Variants in KLHL12 observed in about 807,000 individuals in gnomAD.
KLHL12 encodes kelch-like protein 12.
In KLHL12, 17 loss-of-function variants were observed where a neutral mutation model predicts 60.8. That is an observed-to-expected ratio of 0.28 (90% CI 0.19 to 0.42). KLHL12 has a LOEUF of 0.42. KLHL12 is among the 10% of genes least tolerant of loss of function. The pLI is 1.00. For synonymous variants in KLHL12, 220 were observed against 250.9 expected, an observed-to-expected ratio of 0.88 and a Z score of 1.16; for missense variants, 468 against 722.3, an observed-to-expected ratio of 0.65 and a Z score of 4.04.
chr1:202,892,783 C>A (rs1300449593), intron 11 of KLHL12, 124 bp from the exon 12 acceptor site: 14 of 921,308 alleles, frequency 1.5e-5, no homozygotes, highest in South Asian at 1.4e-4. Context: ...GAATTTGAGA[C>A]CAGCCTGGGC....
chr1:202,910,074 C>T (rs992432175), intron 5 of KLHL12, among the ~76,000 whole-genome samples: 9 of 152,096 alleles, frequency 5.9e-5, no homozygotes, highest in Non-Finnish European at 1.5e-5. Context: ...GGAAAACAAA[C>T]AATAAATAGT....
At chr1:202,907,308 T>G (rs1229617043) in intron 6 of KLHL12, among the ~76,000 whole-genome samples, 1 of 152,072 alleles carries the variant, frequency 6.6e-6, no homozygotes, top group African/African-American at 2.4e-5. Context: ...CATTAAAAAA[T>G]ATAGGAGAGG....
At chr1:202,915,446 A>G (rs545057489) in intron 4 of KLHL12, among the ~76,000 whole-genome samples, 1 of 152,308 alleles carries the variant, frequency 6.6e-6, no homozygotes, top group South Asian at 2.1e-4. Flanking sequence ...TCCAGAAAAA[A>G]AGCAAAGGGC....
intron 4 of KLHL12, among the ~76,000 whole-genome samples, chr1:202,914,702 CT>C (rs1186591028): frequency 6.6e-6 from 1 of 151,838 alleles, no homozygotes; most frequent in Non-Finnish European, 1.5e-5. Context: ...CCAGTCTCTA[CT>C]AAAAATACAA....
At chr1:202,925,742 A>G (rs1310742489) in intron 1 of KLHL12, among the ~76,000 whole-genome samples, 1 of 152,198 alleles carries the variant, frequency 6.6e-6, no homozygotes, top group Non-Finnish European at 1.5e-5. Context: ...AGTAAAAATA[A>G]ACTTTTTTCT....
At chr1:202,912,219 A>G in intron 4 of KLHL12, 1 of 1,096,382 alleles carries the variant, frequency 9.1e-7, no homozygotes, top group South Asian at 1.2e-5. Flanking sequence ...AGTGATTGAA[A>G]TCATGACTGA....
chr1:202,897,680 T>C (rs754941428), intron 6 of KLHL12, among the ~76,000 whole-genome samples: 5 of 152,104 alleles, frequency 3.3e-5, no homozygotes, highest in Non-Finnish European at 5.9e-5. Flanking sequence ...CCTAACCTTG[T>C]CACAAAAAAA....
At chr1:202,902,701 T>A (rs1001515971) in intron 6 of KLHL12, among the ~76,000 whole-genome samples, 5 of 151,688 alleles carry the variant, frequency 3.3e-5, no homozygotes, top group African/African-American at 9.7e-5. Context: ...TAGAAAAAAA[T>A]TTTTTGAGCC....
upstream of KLHL12, among the ~76,000 whole-genome samples, chr1:202,928,166 T>C (rs1273523897): frequency 6.7e-6 from 1 of 148,390 alleles, no homozygotes; most frequent in African/African-American, 2.5e-5. Flanking sequence ...TCCCAGCTAC[T>C]CGGGAAGCTG....
At position 202,893,217 on chromosome 1, in the gene KLHL12, G is replaced by A. The variant is rs2275739; in HGVS notation, c.1580+22C>T. 2,529 of 1,565,854 alleles carry A rather than the reference G, an allele frequency of 1.6e-3. 28 individuals are homozygous for A. The East Asian group carries it at 0.019, about 12-fold the overall frequency. On this transcript the variant is annotated intron_variant, in intron 11 of 11. Transcript: ENST00000367261. This position sits in a 1 kb window ranked among gnomAD's most constrained non-coding sequence, Gnocchi z 4.1. Reference sequence around the variant, plus strand: ...CTTGCTCTGGCTACATATTGAGTCTGGATTCGTTTCTAAATCCTCACCCTG... The same window carrying A: ...CTTGCTCTGGCTACATATTGAGTCTAGATTCGTTTCTAAATCCTCACCCTG...
Position 202,892,553 on chromosome 1 carries a change from A to T in KLHL12, c.1687T>A (p.Cys563Ser). The T allele has an allele frequency of 6.2e-7, 1 of 1,613,946 alleles. No individual in the cohort carries two copies. Among genetic ancestry groups the T allele is most frequent in the Non-Finnish European group, 8.5e-7 (1 of 1,180,022 alleles). ...AATGGTCACTTCTCGCGGAGAACACAAACACCAGCATCACAGCGCTGGGTT... is the reference window on the plus strand; with the variant it reads ...AATGGTCACTTCTCGCGGAGAACACTAACACCAGCATCACAGCGCTGGGTT... Reference protein sequence around the residue: ...MGTQRCDAGVCVLREK With the variant: ...MGTQRCDAGVSVLREK The change falls in exon 12 of 12, where the codon TGT becomes AGT. Residue 563 changes from cysteine to serine, a missense_variant. Physicochemically the swap from Cys to Ser is moderately radical, Grantham distance 112 (BLOSUM62 -1). This residue lies in a region of KLHL12 where 68 missense variants were observed against 119.8 expected (regional missense o/e 0.57). Transcript: ENST00000367261.
chr1:202,916,950 G>T (rs375339122), intron 4 of KLHL12, among the ~76,000 whole-genome samples: 1 of 148,894 alleles, frequency 6.7e-6, no homozygotes, highest in Non-Finnish European at 1.5e-5. Flanking sequence ...TCCAGCCTGG[G>T]TGACAGAGTG....
At chr1:202,912,261 T>A in intron 4 of KLHL12, 2 of 1,060,042 alleles carry the variant, frequency 1.9e-6, no homozygotes, top group South Asian at 2.5e-5. Flanking sequence ...GGGCTTTGCC[T>A]TTGTAACCTT....
intron 7 of KLHL12, among the ~76,000 whole-genome samples, chr1:202,896,083 A>C (rs905504434): frequency 1.3e-5 from 2 of 152,208 alleles, no homozygotes; most frequent in Non-Finnish European, 2.9e-5. Flanking sequence ...TCAAAGGATG[A>C]GGATTTATTA....
At chr1:202,920,640 T>G (rs1337417174) in intron 2 of KLHL12, among the ~76,000 whole-genome samples, 1 of 151,556 alleles carries the variant, frequency 6.6e-6, no homozygotes, top group Non-Finnish European at 1.5e-5. Context: ...CCTCCCAAAG[T>G]GCTGGGATTA....
chr1:202,906,671 T>C (rs1420368539), intron 6 of KLHL12, among the ~76,000 whole-genome samples: 1 of 152,068 alleles, frequency 6.6e-6, no homozygotes, highest in East Asian at 1.9e-4. Context: ...AATTAATTTA[T>C]TTATTTTTGA....
At chr1:202,924,609 A>G (rs539245954) in intron 2 of KLHL12, among the ~76,000 whole-genome samples, 17 of 152,360 alleles carry the variant, frequency 1.1e-4, no homozygotes, top group African/African-American at 4.1e-4. Flanking sequence ...ATAAATAAAT[A>G]AAATTAAAAA....
At position 202,909,083 on chromosome 1, in the gene KLHL12, A is replaced by G. The variant is rs1557993228; in HGVS notation, c.759T>C (p.Asp253=). 1 of 1,614,012 alleles carries G rather than the reference A, an allele frequency of 6.2e-7. No individual in the cohort carries two copies. Among genetic ancestry groups the G allele is most frequent in the Admixed American group, 1.7e-5 (1 of 59,984 alleles). ...RCSLQCRDLV[D]EAKKFHLRPE... is the part of the protein sequence containing the mutation. ...GCCTCAGATGAAACTTCTTTGCTTCATCAACCAGATCCCTGCATTGTAAAC... is the reference window on the plus strand; with the variant it reads ...GCCTCAGATGAAACTTCTTTGCTTCGTCAACCAGATCCCTGCATTGTAAAC... The change falls in exon 6 of 12, where the codon GAT becomes GAC. Residue 253 remains aspartate, a synonymous_variant. Coordinates refer to ENST00000367261, the MANE Select transcript of KLHL12 (RefSeq NM_021633.4). This position sits in a 1 kb window ranked among gnomAD's most constrained non-coding sequence, Gnocchi z 4.1.
intron 4 of KLHL12, chr1:202,911,872 T>C (rs970536128): frequency 4.3e-5 from 36 of 845,318 alleles, no homozygotes; most frequent in Non-Finnish European, 6.8e-5. Context: ...CATTGGAGGG[T>C]TGAGCTTTGA....
Sources: gnomAD v4.1 joint callset for allele counts (sites outside exome capture counted in the v4.1 genomes callset) on GRCh38, gnomAD v4.1.1 for gene constraint, gnomAD v4.1.1 regional missense constraint, Gnocchi (gnomAD v3.1) non-coding constraint, MANE v1.5 for transcripts, NCBI Gene and HGNC (gene_info 2026-07-23, HGNC 2026-07-21) for gene names.